MACF1: variants seen among roughly 807,000 people sequenced by gnomAD.
The protein encoded by MACF1 is microtubule-actin cross-linking factor 1.
A neutral mutation model predicts 854.8 loss-of-function variants in MACF1; 193 were observed. The ratio of observed to expected loss-of-function variants is 0.23; its 90% CI spans 0.20 to 0.25. The LOEUF (loss-of-function observed/expected upper bound fraction) is 0.25. Ranked by LOEUF, MACF1 falls within the 10% of genes least tolerant of loss-of-function variation. MACF1 has a pLI of 1.00. For missense variants in MACF1, 7,722 were observed against 8,929.1 expected (o/e 0.86, Z 5.45); for synonymous variants, 3,185 against 3,226.7 (o/e 0.99, Z 0.44).
intron 1 of MACF1, chr1:39,207,079 A>T (rs1644458537): frequency 6.6e-6 from 1 of 151,936 alleles, no homozygotes; most frequent in Non-Finnish European, 1.5e-5. Context: ...ATTCAGGCAG[A>T]GCTCAGTTGT....
chr1:39,414,379 G>C, intron 58 of MACF1: 1 of 1,613,980 alleles, frequency 6.2e-7, no homozygotes, highest in Non-Finnish European at 8.5e-7. Context: ...GATCAAGGAG[G>C]ACCTTGATTC....
intron 40 of MACF1, among the ~76,000 whole-genome samples, chr1:39,346,234 C>T (rs965160538): frequency 1.2e-4 from 18 of 151,442 alleles, no homozygotes; most frequent in African/African-American, 3.1e-4. Flanking sequence ...TGGTGGCGGG[C>T]GCCTGTAGTC....
chr1:39,439,235 A>T, intron 71 of MACF1, 39 bp from the exon 72 acceptor site: 4 of 1,287,692 alleles, frequency 3.1e-6, no homozygotes, highest in Non-Finnish European at 4.5e-6. Flanking sequence ...CAGGCTCTTC[A>T]GAAAGTCCTA....
rs573357003 is a variant in MACF1, at chr1:39,426,781, G to A, written c.16317-674G>A. On this transcript the variant is annotated intron_variant, in intron 61 of 100. Transcript: ENST00000564288. ...TTTTTTTTGTTTGGTTTTTTTTTGG[G>A]GGGGGTGCTTTTTGTGTTGGCAAAT... 5.9e-3 allele frequency among the ~76,000 whole-genome samples: 891 copies of A among 152,038 alleles called. 7 individuals are homozygous for A. Among genetic ancestry groups the A allele is most frequent in the African/African-American group, 0.021 (852 of 41,474 alleles).
At chr1:39,267,013 T>C (rs1325988151) in intron 6 of MACF1, among the ~76,000 whole-genome samples, 1 of 152,218 alleles carries the variant, frequency 6.6e-6, no homozygotes, top group Admixed American at 6.5e-5. Context: ...TTGATTGAGC[T>C]CTTGGTCCAT....
chr1:39,268,946 C>T (rs1366839277), intron 6 of MACF1: 2 of 1,286,448 alleles, frequency 1.6e-6, no homozygotes, highest in African/African-American at 1.5e-5. Flanking sequence ...TAGAGCATAC[C>T]CCCCCAGATA....
At chr1:39,371,319 CAAA>C (rs764951315) in intron 51 of MACF1, among the ~76,000 whole-genome samples, 4,054 of 81,182 alleles carry the variant, frequency 0.05, 50 homozygotes, top group Middle Eastern at 0.13. Flanking sequence ...GACTCTGTCT[CAAA>C]AAAAAAAAAA....
intron 24 of MACF1, 152 bp downstream of exon 24, chr1:39,309,848 C>G (rs1646262529): frequency 2.6e-6 from 2 of 764,178 alleles, no homozygotes; most frequent in Non-Finnish European, 4.1e-6. Flanking sequence ...GAGGTTCTTA[C>G]AAGCTAGAAG....
rs1261047486 is a variant in MACF1, at chr1:39,337,411, C to G, written c.10215+80C>G. 44 of 1,426,276 alleles carry G rather than the reference C, an allele frequency of 3.1e-5. 1 individual carries two copies. Among genetic ancestry groups the G allele is most frequent in the South Asian group, 1.0e-4 (8 of 76,830 alleles). 88.4% of individuals were successfully genotyped at this position (1,426,276 alleles called of 1,614,324 possible). A position where few individuals can be genotyped will look rare whatever the true frequency, so the allele number is the denominator to read the frequency against. On this transcript the variant is annotated intron_variant, in intron 38 of 100. Coordinates refer to ENST00000564288, the MANE Select transcript of MACF1 (RefSeq NM_001394062.1). ...TCTTCCTTGAAGATTTCAAGACTTACTAGAACCTGCTTGCACTCTATTCTA... is the reference window on the plus strand; with the variant it reads ...TCTTCCTTGAAGATTTCAAGACTTAGTAGAACCTGCTTGCACTCTATTCTA...
At chr1:39,457,042 G>A (rs532535305) in intron 89 of MACF1, 4 of 152,086 alleles carry the variant, frequency 2.6e-5, no homozygotes, top group South Asian at 2.1e-4. Flanking sequence ...GTTCCCTGAC[G>A]TCTCATTCTT....
rs372141116 is a variant in MACF1 at position 39,318,628 on chromosome 1, G to C, written c.3945+13G>C. ...CAGCCAGCAGACGGTGAGTGTGGTA[G>C]TAGCTCTGGCGAGAAGAGTTAGAAA... On this transcript the variant is annotated intron_variant, in intron 30 of 100. Coordinates refer to ENST00000564288, the MANE Select transcript of MACF1 (RefSeq NM_001394062.1). The C allele has an allele frequency of 6.3e-7, 1 of 1,594,832 alleles. No individual in the cohort carries two copies. Among genetic ancestry groups the C allele is most frequent in the Non-Finnish European group, 8.5e-7 (1 of 1,171,372 alleles).
chr1:39,465,262 G>T, intron 95 of MACF1, 150 bp downstream of exon 95: 1 of 761,826 alleles, frequency 1.3e-6, no homozygotes. Context: ...TGTTGATGGG[G>T]CCAGCATTGC....
Position 39,332,344 on chromosome 1 carries a change from C to A in MACF1, c.5756C>A (p.Ser1919Ter). The A allele has an allele frequency of 6.2e-7, 1 of 1,613,966 alleles. No homozygotes were observed. Residue 1919 changes from serine (S) to a stop codon, truncating the protein, a stop_gained, in exon 37 of 101, where the codon TCG (serine) becomes TAG (stop). Transcript: ENST00000564288. LOFTEE classifies it high-confidence loss of function. ...LDRDLANNLK[S>*]ICIPDVMPHM... ...AGAGATCTTGCCAATAACTTAAAAT[C>A]GATTTGTATACCTGATGTGATGCCC...
At chr1:39,240,623 C>T (rs560921582) in intron 2 of MACF1, among the ~76,000 whole-genome samples, 22 of 152,294 alleles carry the variant, frequency 1.4e-4, no homozygotes, top group African/African-American at 3.6e-4. Context: ...CTCAGCCTCC[C>T]GAGTAGCTGG....
intron 2 of MACF1, among the ~76,000 whole-genome samples, chr1:39,242,029 A>G (rs947648552): frequency 1.3e-5 from 2 of 152,084 alleles, no homozygotes; most frequent in Non-Finnish European, 2.9e-5. Flanking sequence ...GAAGCTGTTT[A>G]TTTTTTCATA....
intron 47 of MACF1, among the ~76,000 whole-genome samples, chr1:39,360,012 A>AAAAAT (rs1557608845): frequency 6.9e-4 from 20 of 28,814 alleles, no homozygotes; most frequent in South Asian, 1.9e-3. Context: ...AAAAAAAAAA[A>AAAAAT]ATATATATAT....
chr1:39,460,401 T>G lies in MACF1; in HGVS notation c.21361-231T>G, dbSNP rs189789437. On this transcript the variant is annotated intron_variant, in intron 91 of 100. Coordinates refer to ENST00000564288, the MANE Select transcript of MACF1 (RefSeq NM_001394062.1). The surrounding 1 kb of genome is among the most constrained non-coding windows in gnomAD (Gnocchi z 4.1). ...TGTGCTCCATATTTTCCATGGTGATTCAGTTATTGTTTCTCTTGCTATTCC... is the reference window on the plus strand; with the variant it reads ...TGTGCTCCATATTTTCCATGGTGATGCAGTTATTGTTTCTCTTGCTATTCC... 8.1e-4 allele frequency among the ~76,000 whole-genome samples: 124 copies of G among 152,338 alleles called. No individual in the cohort carries two copies. Among genetic ancestry groups the G allele is most frequent in the Admixed American group, 1.4e-3 (21 of 15,304 alleles).
At chr1:39,164,727 T>C (rs1643867029) in intron 2 of MACF1, among the ~76,000 whole-genome samples, 1 of 152,196 alleles carries the variant, frequency 6.6e-6, no homozygotes, top group African/African-American at 2.4e-5. Context: ...GGTACCAGAT[T>C]GAGATTCTCT....
chr1:39,240,445 G>T (rs1352397538), intron 2 of MACF1, among the ~76,000 whole-genome samples: 1 of 152,116 alleles, frequency 6.6e-6, no homozygotes, highest in Non-Finnish European at 1.5e-5. Flanking sequence ...CTTTACTCTG[G>T]ATTTTCTATT....
Sources: gnomAD v4.1 joint callset for allele counts (sites outside exome capture counted in the v4.1 genomes callset) on GRCh38, gnomAD v4.1.1 for gene constraint, Gnocchi (gnomAD v3.1) non-coding constraint, MANE v1.5 for transcripts, NCBI Gene and HGNC (gene_info 2026-07-23, HGNC 2026-07-21) for gene names.